ABCC12: variants seen among roughly 807,000 people sequenced by gnomAD.
ABCC12 encodes the protein ATP binding cassette subfamily C member 12, also known as ATP-binding cassette sub-family C member 12.
Under a neutral mutation model 151.1 loss-of-function variants are expected in ABCC12, and 142 were observed. That is an observed-to-expected ratio of 0.94 (90% CI 0.82 to 1.08). ABCC12 has a LOEUF of 1.08. Ranked by LOEUF, ABCC12 falls within the 50% of genes least tolerant of loss-of-function variation. ABCC12 has a pLI of 0.00. For synonymous variants in ABCC12, 645 were observed against 646.4 expected, an observed-to-expected ratio of 1.00 and a Z score of 0.03; for missense variants, 1,638 against 1,691.1, an observed-to-expected ratio of 0.97 and a Z score of 0.55.
intron 2 of ABCC12, among the ~76,000 whole-genome samples, chr16:48,152,228 G>C (rs1414164570): frequency 3.3e-5 from 5 of 152,220 alleles, no homozygotes; most frequent in African/African-American, 4.8e-5. Flanking sequence ...AGGAGACAGA[G>C]GGAGGCTATC....
intron 11 of ABCC12, among the ~76,000 whole-genome samples, chr16:48,127,795 C>G (rs924544318): frequency 6.6e-6 from 1 of 152,140 alleles, no homozygotes; most frequent in Non-Finnish European, 1.5e-5. Flanking sequence ...AGCAGTGGTT[C>G]ATGCCTGTAA....
At position 48,117,258 on chromosome 16, in the gene ABCC12, C is replaced by A; in HGVS notation, c.1785+3G>T. 2 of 1,613,176 alleles carry A rather than the reference C, an allele frequency of 1.2e-6. No homozygotes were observed. Among genetic ancestry groups the A allele is most frequent in the East Asian group, 2.2e-5 (1 of 44,856 alleles). ...GTGGGCTTGCGCTCCCAGCCCCGCT[C>A]ACCTCAGTCAGGTCTCCATAGGGGA... On this transcript the variant is annotated splice_donor_region_variant and intron_variant, in intron 14 of 30. Coordinates refer to ENST00000311303, the MANE Select transcript of ABCC12 (RefSeq NM_001393797.1).
At chr16:48,151,410 ACTAC>A (rs1426532352) in intron 2 of ABCC12, among the ~76,000 whole-genome samples, 3 of 152,246 alleles carry the variant, frequency 2.0e-5, no homozygotes, top group Admixed American at 6.5e-5. Flanking sequence ...AGACCTGACA[ACTAC>A]CTGTGAAGAG....
At chr16:48,148,274 G>A (rs1423215236) in intron 2 of ABCC12, among the ~76,000 whole-genome samples, 1 of 149,772 alleles carries the variant, frequency 6.7e-6, no homozygotes, top group Admixed American at 6.7e-5. Flanking sequence ...ATCTCACTCT[G>A]TCGCCAGGCT....
chr16:48,130,107 A>C (rs1386653092), intron 10 of ABCC12, among the ~76,000 whole-genome samples: 1 of 152,224 alleles, frequency 6.6e-6, no homozygotes, highest in Non-Finnish European at 1.5e-5. Context: ...TCATTCAATC[A>C]ATTCATAGAT....
intron 15 of ABCC12, among the ~76,000 whole-genome samples, chr16:48,114,512 A>G (rs1407890908): frequency 2.0e-5 from 3 of 152,154 alleles, no homozygotes; most frequent in African/African-American, 4.8e-5. Flanking sequence ...GCAGGAGAGT[A>G]AAGAAGACGG....
At chr16:48,097,048 T>C (rs1683602381) in intron 23 of ABCC12, 146 bp from the exon 24 acceptor site, 2 of 886,412 alleles carry the variant, frequency 2.3e-6, no homozygotes, top group Admixed American at 2.0e-5. Flanking sequence ...CACTCTCACA[T>C]AGCAAACTCT....
chr16:48,130,145 A>G (rs1347903549), intron 10 of ABCC12, among the ~76,000 whole-genome samples: 5 of 152,202 alleles, frequency 3.3e-5, no homozygotes, highest in African/African-American at 1.2e-4. Context: ...TGTTGACACA[A>G]ATGCCCTTCT....
Position 48,128,634 on chromosome 16 carries a change from G to A in ABCC12, c.1340C>T (p.Ala447Val). ...TTTCTTTGGGGTACTTTTCCTGCTGGCTTCATGCTCCCATGTCAAGGTGGC... is the reference window on the plus strand; with the variant it reads ...TTTCTTTGGGGTACTTTTCCTGCTGACTTCATGCTCCCATGTCAAGGTGGC... ...ANATLTWEHE[A>V]SRKSTPKKLQ... is the part of the protein sequence containing the mutation. Residue 447 changes from alanine (A) to valine (V), a missense_variant, in exon 11 of 31, where the codon GCC becomes GTC. By Grantham distance (64) the Ala-to-Val change is moderately conservative. Coordinates refer to ENST00000311303, the MANE Select transcript of ABCC12 (RefSeq NM_001393797.1). 6.2e-7 allele frequency: 1 copy of A among 1,614,162 alleles called. No homozygotes were observed. The highest frequency in any genetic ancestry group is 8.5e-7 in the Non-Finnish European group (1 of 1,180,042).
intron 22 of ABCC12, among the ~76,000 whole-genome samples, chr16:48,101,217 C>A (rs752658838): frequency 6.6e-6 from 1 of 152,208 alleles, no homozygotes; most frequent in Non-Finnish European, 1.5e-5. Context: ...CATGAGTCAG[C>A]GGCACCTTCG....
At chr16:48,091,270 C>G in intron 24 of ABCC12, 61 bp from the exon 25 acceptor site, 1 of 1,476,624 alleles carries the variant, frequency 6.8e-7, no homozygotes, top group Non-Finnish European at 9.5e-7. Context: ...TTCTGCAGCT[C>G]CCCGTTCAGG....
intron 11 of ABCC12, among the ~76,000 whole-genome samples, chr16:48,127,398 C>G (rs1964275472): frequency 6.6e-6 from 1 of 152,210 alleles, no homozygotes; most frequent in African/African-American, 2.4e-5. Flanking sequence ...CCTGAAATCT[C>G]CATCCCCCAA....
At position 48,141,266 on chromosome 16, in the gene ABCC12, T is replaced by G. The variant is rs1329973309; in HGVS notation, c.363A>C (p.Thr121=). ...LSHVVWKFQR[T]RVLMDIVANI... ...TGGCCACGATGTCCATCAACACGCG[T>G]GTCCTCTGGAATTTCCACACCACGT... Residue 121 remains threonine (T), a synonymous_variant, in exon 5 of 31, where the codon ACA becomes ACC. Transcript: ENST00000311303. 1 of 1,614,230 alleles carries G rather than the reference T, an allele frequency of 6.2e-7. No individual in the cohort carries two copies. Among genetic ancestry groups the G allele is most frequent in the Non-Finnish European group, 8.5e-7 (1 of 1,180,042 alleles).
intron 24 of ABCC12, 175 bp from the exon 25 acceptor site, chr16:48,091,384 G>C (rs1962888574): frequency 1.6e-6 from 1 of 618,976 alleles, no homozygotes; most frequent in Non-Finnish European, 2.9e-6. Flanking sequence ...ATTCCTGTTC[G>C]GGTGTTTTGC....
chr16:48,125,357 T>C (rs1030603379), intron 11 of ABCC12, among the ~76,000 whole-genome samples: 1 of 152,158 alleles, frequency 6.6e-6, no homozygotes, highest in African/African-American at 2.4e-5. Context: ...GCAGTCATTG[T>C]TTGAGGGCTG....
chr16:48,134,790 C>T (rs1004186519), intron 8 of ABCC12, among the ~76,000 whole-genome samples: 2 of 152,158 alleles, frequency 1.3e-5, no homozygotes, highest in African/African-American at 2.4e-5. Context: ...TGGTGGCTCA[C>T]GCCTGTAATC....
In ABCC12 at chr16:48,118,153, G is replaced by C. The variant is rs566898539; in HGVS notation, c.1713-820C>G. 1.1e-4 allele frequency among the ~76,000 whole-genome samples: 17 copies of C among 152,204 alleles called. No homozygotes were observed. The East Asian group carries it at 3.3e-3, about 30-fold the overall frequency. On this transcript the variant is annotated intron_variant, in intron 13 of 30. Transcript: ENST00000311303. ...AAAGCTGTGGGGTCAGCCCCACAGC[G>C]GTCCCCAGGGGCATGACCCCGCTCT...
At chr16:48,119,955 T>C (rs1008745872) in intron 13 of ABCC12, among the ~76,000 whole-genome samples, 3 of 152,170 alleles carry the variant, frequency 2.0e-5, no homozygotes, top group Admixed American at 6.5e-5. Flanking sequence ...AAAATGGGGA[T>C]ATAATGCCAC....
intron 8 of ABCC12, among the ~76,000 whole-genome samples, chr16:48,134,555 G>T (rs1278987402): frequency 6.6e-6 from 1 of 152,180 alleles, no homozygotes; most frequent in African/African-American, 2.4e-5. Flanking sequence ...CCTCAGAGAA[G>T]GGGGAGCCGA....
Sources: gnomAD v4.1 joint callset for allele counts (sites outside exome capture counted in the v4.1 genomes callset) on GRCh38, gnomAD v4.1.1 for gene constraint, MANE v1.5 for transcripts, NCBI Gene and HGNC (gene_info 2026-07-23, HGNC 2026-07-21) for gene names.